Variants in CTBP2 observed in about 807,000 individuals in gnomAD.
CTBP2 encodes the protein C-terminal-binding protein 2.
Under a neutral mutation model 80.3 loss-of-function variants are expected in CTBP2, and 30 were observed. The ratio of observed to expected loss-of-function variants is 0.37; its 90% CI spans 0.28 to 0.51. CTBP2 has a LOEUF of 0.51. CTBP2 is among the 20% of genes least tolerant of loss of function. CTBP2 has a pLI of 0.93. For synonymous variants in CTBP2, 594 were observed against 587.4 expected, an observed-to-expected ratio of 1.01 and a Z score of -0.16; for missense variants, 1,212 against 1,375.3, an observed-to-expected ratio of 0.88 and a Z score of 1.88.
chr10:125,064,473 C>T (rs1433456950), intron 2 of CTBP2, among the ~76,000 whole-genome samples: 4 of 152,082 alleles, frequency 2.6e-5, no homozygotes, highest in East Asian at 1.9e-4. Context: ...GGTCACCCAT[C>T]GGTCTCCGAA....
intron 1 of CTBP2, chr10:125,005,564 G>A: frequency 6.2e-7 from 1 of 1,611,544 alleles, no homozygotes; most frequent in Non-Finnish European, 8.5e-7. Flanking sequence ...CGACCTGTAT[G>A]AGTGGACAGG....
intron 2 of CTBP2, among the ~76,000 whole-genome samples, 190 bp from the exon 3 acceptor site, chr10:125,039,345 C>T (rs554850416): frequency 4.6e-5 from 7 of 152,368 alleles, no homozygotes; most frequent in Admixed American, 2.0e-4. Context: ...TGCTTCTTAT[C>T]TCATAATAGA....
chr10:125,005,615 G>A (rs556530730), intron 1 of CTBP2: 20 of 1,612,890 alleles, frequency 1.2e-5, no homozygotes, highest in East Asian at 6.7e-5. Context: ...CAGCTCATCC[G>A]CGAGATCCGC....
At chr10:125,070,933 AATTTTTCT>A (rs1452568001) in intron 2 of CTBP2, among the ~76,000 whole-genome samples, 1 of 152,196 alleles carries the variant, frequency 6.6e-6, no homozygotes, top group African/African-American at 2.4e-5. Flanking sequence ...CTTGGCCTAA[AATTTTTCT>A]AAAATAAAAA....
chr10:124,997,725 G>A, intron 4 of CTBP2: 1 of 567,506 alleles, frequency 1.8e-6, no homozygotes, highest in Non-Finnish European at 3.1e-6. Context: ...TGTCCTGCCA[G>A]ACACTACAGA....
intron 1 of CTBP2, among the ~76,000 whole-genome samples, chr10:125,014,735 C>T (rs925721648): frequency 2.6e-5 from 4 of 152,182 alleles, no homozygotes; most frequent in African/African-American, 2.4e-5. Flanking sequence ...CCTAAAGTCT[C>T]GGGAAGAATG....
At chr10:125,147,453 A>G (rs551632509) in intron 1 of CTBP2, among the ~76,000 whole-genome samples, 1 of 152,338 alleles carries the variant, frequency 6.6e-6, no homozygotes, top group South Asian at 2.1e-4. Flanking sequence ...AACATCCCAC[A>G]GACTAAAATT....
Position 125,114,510 on chromosome 10 carries a change from G to C in CTBP2, c.-205-3417C>G, listed in dbSNP as rs61869199. ...CAACTGAGGCTGCAGTACCTAGACAGGACCCCCTACCCCACCGCCACTGCT... is the reference window on the plus strand; with the variant it reads ...CAACTGAGGCTGCAGTACCTAGACACGACCCCCTACCCCACCGCCACTGCT... On this transcript the variant is annotated intron_variant, in intron 1 of 10. Transcript: ENST00000337195. Among the ~76,000 whole-genome samples, 570 of 152,014 alleles carry C rather than the reference G, an allele frequency of 3.7e-3. 5 individuals are homozygous for C. Among genetic ancestry groups the C allele is most frequent in the Non-Finnish European group, 6.9e-3 (468 of 67,966 alleles).
chr10:125,124,240 G>A (rs1265322880), intron 1 of CTBP2, among the ~76,000 whole-genome samples: 3 of 152,264 alleles, frequency 2.0e-5, no homozygotes, highest in Middle Eastern at 3.4e-3. Context: ...TGTATCACCC[G>A]AAAGGTCTTT....
chr10:125,033,380 C>T (rs1564760622), intron 3 of CTBP2, among the ~76,000 whole-genome samples: 2 of 152,140 alleles, frequency 1.3e-5, no homozygotes, highest in Admixed American at 6.5e-5. Context: ...CCCTCGAGCG[C>T]GCACGCCAAG....
In CTBP2 at chr10:125,026,383, T is replaced by A. The variant is rs1450379309; in HGVS notation, c.1377A>T (p.Ala459=). ...GGCCCGGGTTAGTCAAGGCCACCCC[T>A]GCCTGCAGGGGGTACGTGGGGCTCA... The change falls in exon 1 of 9, where the codon GCA becomes GCT. Residue 459 remains alanine, a synonymous_variant. Transcript: ENST00000309035. 3 of 1,611,856 alleles carry A rather than the reference T, an allele frequency of 1.9e-6. No individual in the cohort carries two copies. Among genetic ancestry groups the A allele is most frequent in the East Asian group, 2.2e-5 (1 of 44,766 alleles).
chr10:125,001,721 C>T (rs1159853498), intron 3 of CTBP2, among the ~76,000 whole-genome samples: 1 of 152,174 alleles, frequency 6.6e-6, no homozygotes, highest in African/African-American at 2.4e-5. Flanking sequence ...TGTGAGTGTA[C>T]GGGCAGCTCC....
At chr10:125,038,370 C>G (rs894946497) in intron 3 of CTBP2, among the ~76,000 whole-genome samples, 5 of 152,088 alleles carry the variant, frequency 3.3e-5, no homozygotes, top group Admixed American at 3.3e-4. Flanking sequence ...AGCACTGACC[C>G]CATCTGGCAG....
intron 2 of CTBP2, among the ~76,000 whole-genome samples, chr10:125,040,599 TACAC>T (rs59512017): frequency 4.7e-4 from 68 of 145,914 alleles, no homozygotes; most frequent in Admixed American, 4.8e-4. Context: ...CACAACCACA[TACAC>T]ACACACACAC....
chr10:125,073,154 A>G (rs758295741), intron 2 of CTBP2, among the ~76,000 whole-genome samples: 4 of 152,202 alleles, frequency 2.6e-5, no homozygotes, highest in Non-Finnish European at 5.9e-5. Context: ...CTTACATTTT[A>G]CATCATCTTT....
intron 1 of CTBP2, among the ~76,000 whole-genome samples, chr10:125,150,882 C>T (rs1345540582): frequency 6.7e-6 from 1 of 149,214 alleles, no homozygotes; most frequent in South Asian, 2.1e-4. Context: ...CCGTTGAATA[C>T]GTGGGTCAGA....
At position 124,987,403 on chromosome 10, in the gene CTBP2, C is replaced by CTAAT. The variant is rs1952080784; in HGVS notation, c.*2111_*2114dup. 1.3e-5 allele frequency: 2 copies of CTAAT among 151,878 alleles called. No homozygotes were observed. The highest frequency in any genetic ancestry group is 2.1e-4 in the South Asian group (1 of 4,808). 9.4% of individuals were successfully genotyped at this position (151,878 alleles called of 1,614,324 possible). ...AAATTTTTGTTTGGGCGACCAAGATCTAATAATTAAAACCCAGGTGGACCA... is the reference window on the plus strand; with the variant it reads ...AAATTTTTGTTTGGGCGACCAAGATCTAATTAATAATTAAAACCCAGGTGGACCA... On this transcript the variant is annotated 3_prime_UTR_variant, in exon 9 of 9. Coordinates refer to ENST00000309035, the MANE Select transcript of CTBP2 (RefSeq NM_022802.3).
chr10:125,097,425 T>C (rs1849698293), intron 2 of CTBP2, among the ~76,000 whole-genome samples: 1 of 152,170 alleles, frequency 6.6e-6, no homozygotes, highest in Non-Finnish European at 1.5e-5. Context: ...AGGGAACAGT[T>C]ACAATGGATG....
rs1236536540 is a variant in CTBP2 at position 125,083,417 on chromosome 10, C to T, written c.-102+27573G>A. 3.9e-5 allele frequency among the ~76,000 whole-genome samples: 6 copies of T among 152,332 alleles called. No homozygotes were observed. The South Asian group carries it at 1.2e-3, about 32-fold the overall frequency. On this transcript the variant is annotated intron_variant, in intron 2 of 10. Transcript: ENST00000337195. ...GAGCCTCTGAGTTCCCAGGACAGGGCTGTCCGAGGACACAACACTGACAGC... is the reference window on the plus strand; with the variant it reads ...GAGCCTCTGAGTTCCCAGGACAGGGTTGTCCGAGGACACAACACTGACAGC...
Sources: gnomAD v4.1 joint callset for allele counts (sites outside exome capture counted in the v4.1 genomes callset) on GRCh38, gnomAD v4.1.1 for gene constraint, MANE v1.5 for transcripts, NCBI Gene and HGNC (gene_info 2026-07-23, HGNC 2026-07-21) for gene names.